Variants in C17orf75 observed in about 807,000 individuals in gnomAD.
C17orf75 encodes the protein chromosome 17 open reading frame 75.
C17orf75 carries 32 observed loss-of-function variants against 49.6 expected under a neutral mutation model. The ratio of observed to expected loss-of-function variants is 0.65; its 90% CI spans 0.49 to 0.87. C17orf75 has a LOEUF of 0.87. Ranked by LOEUF, C17orf75 falls within the 40% of genes least tolerant of loss-of-function variation. C17orf75 has a pLI of 0.00. For missense variants in C17orf75, 428 were observed against 473.9 expected (o/e 0.90, Z 0.90); for synonymous variants, 158 against 159.5 (o/e 0.99, Z 0.07).
In C17orf75 at chr17:32,329,792, G is replaced by T. The variant is rs868610611; in HGVS notation, c.*1971C>A. ...TGGGGAACCAACTACATTGGGAAAA[G>T]ACAGTCAGATTCAAGGACAGTGTCA... On this transcript the variant is annotated 3_prime_UTR_variant, in exon 10 of 10. Coordinates refer to ENST00000577809, the MANE Select transcript of C17orf75 (RefSeq NM_022344.4). 1 of 152,202 alleles carries T rather than the reference G, an allele frequency of 6.6e-6. No individual in the cohort carries two copies. Among genetic ancestry groups the T allele is most frequent in the Non-Finnish European group, 1.5e-5 (1 of 68,034 alleles). The allele number at this position is 152,202 out of a possible 1,614,324, so 9.4% of individuals were successfully genotyped here.
In C17orf75 at chr17:32,331,621, A is replaced by G; in HGVS notation, c.*142T>C. ...TGTTCTTCAGATTTTTATTTAAGTT[A>G]AATTGGTAAAATACAAAAAGAAAAT... is the stretch of plus-strand genomic sequence containing the variant. On this transcript the variant is annotated 3_prime_UTR_variant, in exon 10 of 10. Transcript: ENST00000577809. 1 of 687,152 alleles carries G rather than the reference A, an allele frequency of 1.5e-6. No homozygotes were observed. The highest frequency in any genetic ancestry group is 2.4e-6 in the Non-Finnish European group (1 of 412,016). The allele number at this position is 687,152 out of a possible 1,614,324, so 42.6% of individuals were successfully genotyped here.
upstream of C17orf75, chr17:32,344,069 G>A: frequency 1.7e-6 from 1 of 602,772 alleles, no homozygotes; most frequent in Non-Finnish European, 3.0e-6. Context: ...CCCAGCACAG[G>A]TCCATATCAA....
chr17:32,350,010 A>T lies in C17orf75; in HGVS notation c.-75T>A, dbSNP rs183729180. On this transcript the variant is annotated 5_prime_UTR_variant, in exon 1 of 9. Transcript: ENST00000583774. Reference sequence around the variant, plus strand: ...CAAGCACAGCCAGCGAAAGCGAAAAACTCTGAAACGGACAAGATGGCTGCC... The same window carrying T: ...CAAGCACAGCCAGCGAAAGCGAAAATCTCTGAAACGGACAAGATGGCTGCC... The T allele has an allele frequency of 3.3e-5, 44 of 1,331,094 alleles. 1 individual carries two copies. In the East Asian group the frequency reaches 1.2e-3, roughly 37 times the overall value. 82.5% of individuals were successfully genotyped at this position (1,331,094 alleles called of 1,614,324 possible).
In C17orf75 at chr17:32,329,311, C is replaced by T. The variant is rs55833140; in HGVS notation, c.*2452G>A. ...TCGATCTCCTGACCTCATGATCTGCCCGCCTAGGCCTCCCAAAGTGCTGGG... is the reference window on the plus strand; with the variant it reads ...TCGATCTCCTGACCTCATGATCTGCTCGCCTAGGCCTCCCAAAGTGCTGGG... On this transcript the variant is annotated 3_prime_UTR_variant, in exon 10 of 10. Coordinates refer to ENST00000577809, the MANE Select transcript of C17orf75 (RefSeq NM_022344.4). The T allele has an allele frequency of 2.0e-5, 3 of 152,182 alleles. No homozygotes were observed. The highest frequency in any genetic ancestry group is 4.4e-5 in the Non-Finnish European group (3 of 68,072). 9.4% of individuals were successfully genotyped at this position (152,182 alleles called of 1,614,324 possible). A position where few individuals can be genotyped will look rare whatever the true frequency, so the allele number is the denominator to read the frequency against.
chr17:32,331,562 T>C lies in C17orf75; in HGVS notation c.*201A>G, dbSNP rs1254469802. 1 of 507,950 alleles carries C rather than the reference T, an allele frequency of 2.0e-6. No individual in the cohort carries two copies. Among genetic ancestry groups the C allele is most frequent in the Non-Finnish European group, 3.5e-6 (1 of 289,446 alleles). The allele number at this position is 507,950 out of a possible 1,614,324, so 31.5% of individuals were successfully genotyped here. A position where few individuals can be genotyped will look rare whatever the true frequency, so the allele number is the denominator to read the frequency against. The stretch of plus-strand genomic sequence containing the variant: ...GTGAGACACTAAAATTTCACAACTC[T>C]CACATACATTATCTATCTAGGACTC... On this transcript the variant is annotated 3_prime_UTR_variant, in exon 10 of 10. Coordinates refer to ENST00000577809, the MANE Select transcript of C17orf75 (RefSeq NM_022344.4).
At chr17:32,341,404 A>G in intron 1 of C17orf75, 120 bp from the exon 2 acceptor site, 1 of 941,350 alleles carries the variant, frequency 1.1e-6, no homozygotes, top group Non-Finnish European at 1.7e-6. Flanking sequence ...GTGGAAGTGC[A>G]CTGCCTATCC....
intron 8 of C17orf75, among the ~76,000 whole-genome samples, chr17:32,334,144 C>T (rs1264409120): frequency 6.6e-6 from 1 of 152,178 alleles, no homozygotes; most frequent in Non-Finnish European, 1.5e-5. Context: ...AATATAGCAG[C>T]TTATCAGTTT....
chr17:32,333,306 C>A, intron 9 of C17orf75, 111 bp downstream of exon 9: 1 of 745,102 alleles, frequency 1.3e-6, no homozygotes, highest in Non-Finnish European at 2.3e-6. Context: ...TTGAGAACAT[C>A]CTAATTAACA....
chr17:32,340,869 G>C, intron 2 of C17orf75: 2 of 242,166 alleles, frequency 8.3e-6, no homozygotes, highest in East Asian at 1.1e-4. Context: ...ACCTGAGGCC[G>C]GGGAGGTTGA....
At chr17:32,342,911 T>C (rs1392462616), upstream of C17orf75, among the ~76,000 whole-genome samples, 4 of 152,218 alleles carry the variant, frequency 2.6e-5, no homozygotes, top group Admixed American at 2.6e-4. Context: ...CATTCTCTGG[T>C]ACCAGTTTTC....
In C17orf75 at chr17:32,334,789, CTT is replaced by C. The variant is rs2041310427; in HGVS notation, c.718_719del (p.Lys240GlufsTer4). On this transcript the variant is annotated frameshift_variant, in exon 7 of 10. Coordinates refer to ENST00000577809, the MANE Select transcript of C17orf75 (RefSeq NM_022344.4). LOFTEE classifies it high-confidence loss of function. ...CTGTTCTTTACCTGTTAATGTCTCT[CTT>C]TGTTTTTTCATCTGATTCTTTAACT... is the stretch of plus-strand genomic sequence containing the variant. ...VEVKESDEKT[K>X]RDINRFLSVA... 5 of 1,606,202 alleles carry C rather than the reference CTT, an allele frequency of 3.1e-6. No homozygotes were observed. The highest frequency in any genetic ancestry group is 1.7e-5 in the Admixed American group (1 of 58,732).
At chr17:32,338,467 T>C in intron 3 of C17orf75, 116 bp from the exon 4 acceptor site, 1 of 996,350 alleles carries the variant, frequency 1.0e-6, no homozygotes, top group Non-Finnish European at 1.4e-6. Flanking sequence ...AACTGCCCAC[T>C]AACTCAGAGC....
At chr17:32,345,441 T>C (rs1427170949), upstream of C17orf75, among the ~76,000 whole-genome samples, 1 of 151,608 alleles carries the variant, frequency 6.6e-6, no homozygotes, top group Non-Finnish European at 1.5e-5. Flanking sequence ...ATGCCACTGC[T>C]CTCCAGCCTG....
At chr17:32,347,206 C>A (rs957208017), upstream of C17orf75, among the ~76,000 whole-genome samples, 1 of 152,182 alleles carries the variant, frequency 6.6e-6, no homozygotes, top group Non-Finnish European at 1.5e-5. Context: ...GGTGATCAAC[C>A]CACATCGGCC....
chr17:32,337,212 G>C (rs1322513348), intron 5 of C17orf75, among the ~76,000 whole-genome samples: 3 of 152,120 alleles, frequency 2.0e-5, no homozygotes, highest in Admixed American at 6.6e-5. Flanking sequence ...TGTAATCTCA[G>C]CACTTTGGGT....
intron 1 of C17orf75, among the ~76,000 whole-genome samples, chr17:32,348,031 T>G (rs946470452): frequency 3.3e-5 from 5 of 151,448 alleles, no homozygotes; most frequent in Admixed American, 3.3e-4. Context: ...TTTTTTTTTC[T>G]TTTTGAGACA....
chr17:32,341,683 G>T, intron 1 of C17orf75: 1 of 497,630 alleles, frequency 2.0e-6, no homozygotes, highest in Non-Finnish European at 2.8e-6. Context: ...GAGGGGACGG[G>T]AACTGAAATT....
chr17:32,339,909 G>T lies in C17orf75; in HGVS notation c.251C>A (p.Ser84Tyr), dbSNP rs369286987. The T allele has an allele frequency of 1.8e-5, 29 of 1,613,866 alleles. No individual in the cohort carries two copies. Among genetic ancestry groups the T allele is most frequent in the Non-Finnish European group, 2.5e-5 (29 of 1,179,880 alleles). ...ACTGCGCAGCTCTGGCTCCACTTCG[G>T]ATGGTAGATTAGTATCTGCCAAGGA... ...SLSLADTNLP[S>Y]EVEPELRSFI... The change falls in exon 3 of 10, where the codon TCC becomes TAC. Residue 84 changes from serine to tyrosine, a missense_variant. Physicochemically the swap from Ser to Tyr is moderately radical, Grantham distance 144 (BLOSUM62 -2). Coordinates refer to ENST00000577809, the MANE Select transcript of C17orf75 (RefSeq NM_022344.4).
upstream of C17orf75, among the ~76,000 whole-genome samples, chr17:32,346,292 G>A (rs1364118628): frequency 6.6e-6 from 1 of 152,036 alleles, no homozygotes; most frequent in Admixed American, 6.6e-5. Flanking sequence ...TGGTGGCATG[G>A]CCCTGTAGTC....
Sources: gnomAD v4.1 joint callset for allele counts (sites outside exome capture counted in the v4.1 genomes callset) on GRCh38, gnomAD v4.1.1 for gene constraint, MANE v1.5 for transcripts, NCBI Gene and HGNC (gene_info 2026-07-23, HGNC 2026-07-21) for gene names.